Variants in GALNT14 observed in about 807,000 individuals in gnomAD.
The protein encoded by GALNT14 is polypeptide N-acetylgalactosaminyltransferase 14.
Under a neutral mutation model 77.5 loss-of-function variants are expected in GALNT14, and 60 were observed. The observed-to-expected ratio is 0.77, with a 90% CI of 0.63 to 0.96. The LOEUF (loss-of-function observed/expected upper bound fraction) is 0.96. GALNT14 is among the 40% of genes least tolerant of loss of function. GALNT14 has a pLI of 0.00. For missense variants in GALNT14, 710 were observed against 731.0 expected, an observed-to-expected ratio of 0.97 and a Z score of 0.33; for synonymous variants, 280 against 281.7, an observed-to-expected ratio of 0.99 and a Z score of 0.06.
intron 1 of GALNT14, among the ~76,000 whole-genome samples, chr2:31,123,043 G>A (rs186570936): frequency 1.3e-3 from 203 of 152,018 alleles, no homozygotes; most frequent in African/African-American, 4.6e-3. Flanking sequence ...TTAGCCGGGC[G>A]GGGTGACGGG....
intron 1 of GALNT14, among the ~76,000 whole-genome samples, chr2:31,135,441 C>G (rs139393938): frequency 1.3e-5 from 2 of 152,044 alleles, no homozygotes; most frequent in East Asian, 3.9e-4. Flanking sequence ...CTTTCTTCCT[C>G]TCTTCTCAGG....
chr2:31,120,835 C>T (rs1040022160), intron 1 of GALNT14, among the ~76,000 whole-genome samples: 7 of 152,272 alleles, frequency 4.6e-5, no homozygotes, highest in Admixed American at 3.3e-4. Flanking sequence ...GGATTACAGG[C>T]GTGAGCCACC....
At chr2:31,068,302 C>G (rs933919861) in intron 1 of GALNT14, among the ~76,000 whole-genome samples, 26 of 152,092 alleles carry the variant, frequency 1.7e-4, no homozygotes, top group African/African-American at 6.0e-4. Context: ...GCGTGGCCAA[C>G]ATGGCGAAAC....
chr2:31,000,039 T>G (rs970374342), intron 1 of GALNT14, among the ~76,000 whole-genome samples: 2 of 152,232 alleles, frequency 1.3e-5, no homozygotes, highest in Non-Finnish European at 2.9e-5. Context: ...CCCTCTAGTC[T>G]GCACTTCCAC....
intron 1 of GALNT14, among the ~76,000 whole-genome samples, chr2:31,016,421 C>T (rs1455527508): frequency 6.6e-6 from 1 of 152,148 alleles, no homozygotes; most frequent in Non-Finnish European, 1.5e-5. Context: ...AGAAGGGACA[C>T]AATTCAGGCG....
intron 1 of GALNT14, among the ~76,000 whole-genome samples, chr2:31,088,704 G>A (rs1301735627): frequency 6.6e-6 from 1 of 152,236 alleles, no homozygotes; most frequent in Non-Finnish European, 1.5e-5. Context: ...GGGAAAATAT[G>A]CAGTCGGGTG....
At chr2:31,107,865 T>C (rs1489362058) in intron 1 of GALNT14, among the ~76,000 whole-genome samples, 1 of 152,114 alleles carries the variant, frequency 6.6e-6, no homozygotes, top group East Asian at 1.9e-4. Context: ...CTCCTTTAAC[T>C]TTCCCCTAAA....
At chr2:31,131,018 A>T (rs1345368624) in intron 1 of GALNT14, among the ~76,000 whole-genome samples, 1 of 152,144 alleles carries the variant, frequency 6.6e-6, no homozygotes, top group Non-Finnish European at 1.5e-5. Context: ...CTAACCTGAA[A>T]AGACTCAGAC....
chr2:30,951,479 C>G (rs142832997), intron 6 of GALNT14, among the ~76,000 whole-genome samples: 1 of 152,188 alleles, frequency 6.6e-6, no homozygotes, highest in East Asian at 1.9e-4. Flanking sequence ...ATGAGGTTTC[C>G]TTTTGGGGTA....
the GALNT14 span, among the ~76,000 whole-genome samples, chr2:30,903,812 T>C: frequency 6.6e-6 from 1 of 152,214 alleles, no homozygotes; most frequent in Non-Finnish European, 1.5e-5. Context: ...CAAAGCCAAT[T>C]ACCAAAGAGC....
intron 1 of GALNT14, among the ~76,000 whole-genome samples, chr2:31,137,261 T>C (rs1017546624): frequency 1.3e-5 from 2 of 152,206 alleles, no homozygotes; most frequent in Non-Finnish European, 2.9e-5. Context: ...AGTGAGCCTA[T>C]AGGGGGAACC....
At chr2:30,983,085 G>A (rs778682126) in intron 2 of GALNT14, among the ~76,000 whole-genome samples, 15 of 152,156 alleles carry the variant, frequency 9.9e-5, no homozygotes, top group Non-Finnish European at 1.9e-4. Flanking sequence ...TCAGAGGCGA[G>A]AGAACTGATA....
intron 13 of GALNT14, among the ~76,000 whole-genome samples, chr2:30,923,308 C>T (rs760411079): frequency 6.6e-6 from 1 of 152,112 alleles, no homozygotes; most frequent in Admixed American, 6.6e-5. Flanking sequence ...AGGTGATCCA[C>T]CCACCTTGAC....
chr2:30,915,543 C>T (rs1310178448), intron 13 of GALNT14, among the ~76,000 whole-genome samples: 1 of 152,146 alleles, frequency 6.6e-6, no homozygotes, highest in Non-Finnish European at 1.5e-5. Flanking sequence ...AGAGCATTTT[C>T]GGATTTCCAT....
intron 1 of GALNT14, among the ~76,000 whole-genome samples, chr2:30,998,759 A>T (rs1670187267): frequency 6.6e-6 from 1 of 152,222 alleles, no homozygotes; most frequent in African/African-American, 2.4e-5. Context: ...AGCTGGGATT[A>T]GAACTCCGGC....
chr2:31,056,374 A>G (rs72854851), intron 1 of GALNT14, among the ~76,000 whole-genome samples: 3,952 of 152,262 alleles, frequency 0.026, 158 homozygotes, highest in African/African-American at 0.089. Flanking sequence ...AAGGATCAAT[A>G]TTTAGATCAG....
At chr2:31,059,793 T>C (rs1371195102) in intron 1 of GALNT14, among the ~76,000 whole-genome samples, 1 of 152,244 alleles carries the variant, frequency 6.6e-6, no homozygotes, top group Non-Finnish European at 1.5e-5. Flanking sequence ...GAAGGCTCTG[T>C]GTATGAGCCA....
intron 8 of GALNT14, among the ~76,000 whole-genome samples, chr2:30,943,529 C>A (rs1392118408): frequency 6.6e-6 from 1 of 152,070 alleles, no homozygotes; most frequent in Non-Finnish European, 1.5e-5. Flanking sequence ...ATGAGCAGAG[C>A]TATCCCACAA....
intron 6 of GALNT14, 74 bp from the exon 7 acceptor site, chr2:30,945,944 C>G (rs1241522876): frequency 1.6e-6 from 2 of 1,243,750 alleles, no homozygotes; most frequent in South Asian, 2.4e-5. Context: ...GGGATGGCCT[C>G]GTGAGGGTAG....
Sources: allele counts gnomAD v4.1 joint callset (sites outside exome capture counted in the v4.1 genomes callset), GRCh38; gene constraint gnomAD v4.1.1; transcripts MANE v1.5; gene names NCBI Gene and HGNC (gene_info 2026-07-23, HGNC 2026-07-21).